The following FRMD4A variants were observed in gnomAD, a reference collection of about 807,000 sequenced individuals.
The protein encoded by FRMD4A is FERM domain containing 4A.
Under a neutral mutation model 129.1 loss-of-function variants are expected in FRMD4A, and 29 were observed. The ratio of observed to expected loss-of-function variants is 0.22; its 90% CI spans 0.17 to 0.31. The LOEUF is 0.31. Among genes scored for constraint, FRMD4A ranks in the 10% least tolerant of loss-of-function variants. The probability of loss-of-function intolerance (pLI) is 1.00; values close to 1 mark genes in which losing one functional copy is unlikely to be tolerated. For synonymous variants in FRMD4A, 634 were observed against 571.6 expected, an observed-to-expected ratio of 1.11 and a Z score of -1.56; for missense variants, 1,272 against 1,375.8, an observed-to-expected ratio of 0.92 and a Z score of 1.19.
chr10:14,149,897 G>A (rs1465397676), intron 2 of FRMD4A, among the ~76,000 whole-genome samples: 2 of 152,064 alleles, frequency 1.3e-5, no homozygotes, highest in African/African-American at 4.8e-5. Context: ...CCTGAGTTTG[G>A]GTAATTTACA....
rs145611884 is a variant in FRMD4A at position 13,787,637 on chromosome 10, T to G, written c.300-4631A>C. On this transcript the variant is annotated intron_variant, in intron 5 of 24. Transcript: ENST00000357447. ...CACCATGCTGACTAATTTTTTATTT[T>G]CTGTCGAGATGGGGTCTCACTATGT... Among the ~76,000 whole-genome samples, 360 of 152,120 alleles carry G rather than the reference T, an allele frequency of 2.4e-3. 1 individual carries two copies. Among genetic ancestry groups the G allele is most frequent in the South Asian group, 0.011 (53 of 4,826 alleles).
intron 2 of FRMD4A, among the ~76,000 whole-genome samples, chr10:13,881,990 GGTGTGTGTGTGTGTGTGT>G (rs71388128): frequency 2.6e-4 from 4 of 15,582 alleles, no homozygotes; most frequent in African/African-American, 4.0e-4. Context: ...GAGAGGCAAG[GGTGTGTGTGTGTGTGTGT>G]GTGTGTGTGT....
intron 5 of FRMD4A, among the ~76,000 whole-genome samples, chr10:13,795,741 T>C (rs772067803): frequency 1.2e-4 from 18 of 152,204 alleles, no homozygotes; most frequent in Non-Finnish European, 2.6e-4. Flanking sequence ...TCGGAGCTGC[T>C]GGACTGGGGG....
At chr10:14,320,045 C>A (rs887092386) in intron 2 of FRMD4A, among the ~76,000 whole-genome samples, 1 of 152,014 alleles carries the variant, frequency 6.6e-6, no homozygotes, top group Non-Finnish European at 1.5e-5. Flanking sequence ...TTTCAGAATT[C>A]ATTCCCCTTC....
intron 2 of FRMD4A, among the ~76,000 whole-genome samples, chr10:14,105,441 T>C (rs568785921): frequency 2.0e-5 from 3 of 150,850 alleles, no homozygotes; most frequent in Non-Finnish European, 2.9e-5. Context: ...TAGATATGCA[T>C]TTCCATATCT....
rs2090926879 is a variant in FRMD4A at position 13,740,495 on chromosome 10, G to A, written c.614+17C>T. The A allele has an allele frequency of 1.3e-6, 2 of 1,484,406 alleles. No homozygotes were observed. Among genetic ancestry groups the A allele is most frequent in the Admixed American group, 1.7e-5 (1 of 58,322 alleles). 92.0% of individuals were successfully genotyped at this position (1,484,406 alleles called of 1,614,324 possible). On this transcript the variant is annotated intron_variant, in intron 10 of 24. Coordinates refer to ENST00000357447, the MANE Select transcript of FRMD4A (RefSeq NM_018027.5). ...CACAAACACTGTCCCCATGTGAGCT[G>A]GGAAGGGGCCACTTACTTTACGATT... is the stretch of plus-strand genomic sequence containing the variant.
chr10:13,943,210 C>T (rs1162272709), intron 2 of FRMD4A, among the ~76,000 whole-genome samples: 2 of 152,156 alleles, frequency 1.3e-5, no homozygotes, highest in East Asian at 3.8e-4. Context: ...TCTAGGTGGA[C>T]ATCTCCTATT....
At chr10:14,106,863 T>C (rs928802329) in intron 2 of FRMD4A, among the ~76,000 whole-genome samples, 2 of 107,106 alleles carry the variant, frequency 1.9e-5, no homozygotes, top group Non-Finnish European at 4.1e-5. Context: ...AGTGGATATA[T>C]ACCCAAAATC....
chr10:14,239,869 G>A (rs891448920), intron 2 of FRMD4A, among the ~76,000 whole-genome samples: 3 of 152,184 alleles, frequency 2.0e-5, no homozygotes, highest in Non-Finnish European at 4.4e-5. Context: ...ATTCATTCAC[G>A]CTAGGATTAC....
chr10:13,726,113 A>G (rs574698093), intron 12 of FRMD4A, among the ~76,000 whole-genome samples: 1 of 152,300 alleles, frequency 6.6e-6, no homozygotes, highest in East Asian at 1.9e-4. Context: ...TGTCTCTGCA[A>G]AAAATACAAA....
chr10:14,128,053 T>C lies in FRMD4A; in HGVS notation c.45+202005A>G, dbSNP rs866352123. Among the ~76,000 whole-genome samples the C allele has an allele frequency of 4.9e-3, 131 of 26,658 alleles. 7 individuals carry two copies. Among genetic ancestry groups the C allele is most frequent in the East Asian group, 0.021 (9 of 436 alleles). The allele number at this position is 26,658 out of a possible 152,430, so 17.5% of individuals were successfully genotyped here. On this transcript the variant is annotated intron_variant, in intron 2 of 24. Coordinates refer to ENST00000357447, the MANE Select transcript of FRMD4A (RefSeq NM_018027.5). ...CTTCCTTCCTTTCTTTCCCTCTTTCTTTCTTTCTTTCTTTCTTTCTTTCTT... is the reference window on the plus strand; with the variant it reads ...CTTCCTTCCTTTCTTTCCCTCTTTCCTTCTTTCTTTCTTTCTTTCTTTCTT...
chr10:14,188,721 A>C (rs149779787), intron 2 of FRMD4A, among the ~76,000 whole-genome samples: 15 of 152,330 alleles, frequency 9.8e-5, no homozygotes, highest in African/African-American at 3.4e-4. Flanking sequence ...CCTGGGCAAC[A>C]TAGTGAGACC....
chr10:14,185,619 T>TATG (rs1283265485), intron 2 of FRMD4A, among the ~76,000 whole-genome samples: 3 of 80,200 alleles, frequency 3.7e-5, no homozygotes, highest in Non-Finnish European at 8.5e-5. Context: ...AGAAAGGGGA[T>TATG]ATATACTTCA....
At chr10:14,284,315 TG>T (rs1845612484) in intron 2 of FRMD4A, among the ~76,000 whole-genome samples, 1 of 152,106 alleles carries the variant, frequency 6.6e-6, no homozygotes, top group Admixed American at 6.5e-5. Context: ...ATAGTGATGG[TG>T]GTAACTGAAA....
At chr10:13,708,900 A>G (rs924943982) in intron 12 of FRMD4A, among the ~76,000 whole-genome samples, 1 of 152,210 alleles carries the variant, frequency 6.6e-6, no homozygotes, top group African/African-American at 2.4e-5. Flanking sequence ...GGGGCAGTAC[A>G]CTGAGCAAAG....
chr10:13,773,676 A>G (rs34941474), intron 6 of FRMD4A, among the ~76,000 whole-genome samples: 27,563 of 152,292 alleles, frequency 0.18, 3,236 homozygotes, highest in Non-Finnish European at 0.26. Flanking sequence ...GCTTTCAGAC[A>G]TCACTGTGAT....
At chr10:13,767,507 G>T (rs1241664962) in intron 6 of FRMD4A, among the ~76,000 whole-genome samples, 1 of 152,180 alleles carries the variant, frequency 6.6e-6, no homozygotes, top group Non-Finnish European at 1.5e-5. Context: ...CCAAAGTGCT[G>T]GGATTACAGG....
chr10:13,737,657 A>G (rs897847160), intron 12 of FRMD4A, among the ~76,000 whole-genome samples, 187 bp downstream of exon 12: 1 of 152,108 alleles, frequency 6.6e-6, no homozygotes, highest in African/African-American at 2.4e-5. Flanking sequence ...ACAGGGAGAA[A>G]AAAAAGAAAA....
chr10:13,806,932 C>G (rs1187444111), intron 4 of FRMD4A, among the ~76,000 whole-genome samples: 1 of 152,186 alleles, frequency 6.6e-6, no homozygotes, highest in Non-Finnish European at 1.5e-5. Flanking sequence ...CACAGCCTCC[C>G]AAGTAGCTGG....
Sources: allele counts gnomAD v4.1 joint callset (sites outside exome capture counted in the v4.1 genomes callset), GRCh38; gene constraint gnomAD v4.1.1; transcripts MANE v1.5; gene names NCBI Gene and HGNC (gene_info 2026-07-23, HGNC 2026-07-21).